LPIN1: variants seen among roughly 807,000 people sequenced by gnomAD.
LPIN1 encodes the protein lipin 1, also known as phosphatidate phosphatase LPIN1.
A neutral mutation model predicts 107.5 loss-of-function variants in LPIN1; 71 were observed. That is an observed-to-expected ratio of 0.66 (90% CI 0.55 to 0.80). LPIN1 has a LOEUF of 0.80. Among genes scored for constraint, LPIN1 ranks in the 30% least tolerant of loss-of-function variants. The probability of loss-of-function intolerance (pLI) is 0.00; values close to 1 mark genes in which losing one functional copy is unlikely to be tolerated. For missense variants in LPIN1, 1,043 were observed against 1,160.6 expected (o/e 0.90, Z 1.47); for synonymous variants, 445 against 452.6 (o/e 0.98, Z 0.21).
Position 11,779,645 on chromosome 2 carries a change from G to A in LPIN1, c.957G>A (p.Lys319=). 1 of 1,613,938 alleles carries A rather than the reference G, an allele frequency of 6.2e-7. No individual in the cohort carries two copies. Among genetic ancestry groups the A allele is most frequent in the Non-Finnish European group, 8.5e-7 (1 of 1,179,926 alleles). ...GGGGAGAGCTGCCGCAGGCTGCTAA[G>A]GTGAGAGTCTCTTCAATTCTGCCAC... ...WLWGELPQAA[K]SSSPHKMKES... Residue 319 remains lysine (K), a splice_region_variant and synonymous_variant, in exon 7 of 21, where the codon AAG becomes AAA. Coordinates refer to ENST00000674199, the MANE Select transcript of LPIN1 (RefSeq NM_001349206.2).
chr2:11,679,710 T>A (rs1661608065), intron 1 of LPIN1, among the ~76,000 whole-genome samples: 2 of 152,138 alleles, frequency 1.3e-5, no homozygotes, highest in African/African-American at 2.4e-5. Flanking sequence ...TGGTCTAGAT[T>A]CCCCCAACCC....
chr2:11,698,267 G>C (rs1662688619), intron 1 of LPIN1, among the ~76,000 whole-genome samples: 1 of 152,242 alleles, frequency 6.6e-6, no homozygotes, highest in Admixed American at 6.5e-5. Flanking sequence ...TTTGCTGCAG[G>C]TTGCAGCTGT....
At chr2:11,685,381 T>G (rs1661953243) in intron 1 of LPIN1, among the ~76,000 whole-genome samples, 1 of 152,200 alleles carries the variant, frequency 6.6e-6, no homozygotes, top group Admixed American at 6.5e-5. Flanking sequence ...GGGACCCACC[T>G]CCTGGGCTTT....
At chr2:11,693,732 C>T (rs570871759) in intron 1 of LPIN1, among the ~76,000 whole-genome samples, 3 of 141,618 alleles carry the variant, frequency 2.1e-5, no homozygotes, top group African/African-American at 8.0e-5. Context: ...GTCTGACTCC[C>T]ACATTAGATT....
intron 13 of LPIN1, among the ~76,000 whole-genome samples, chr2:11,793,418 C>T (rs931455412): frequency 2.0e-5 from 3 of 152,338 alleles, no homozygotes; most frequent in Admixed American, 2.0e-4. Context: ...TTGGTCTCTT[C>T]AGGGGACTGC....
chr2:11,721,947 C>G (rs1010573967), upstream of LPIN1: 1 of 152,282 alleles, frequency 6.6e-6, no homozygotes, highest in African/African-American at 2.4e-5. Context: ...AACCATCATT[C>G]ATCTGTGGTT....
chr2:11,692,255 T>A (rs1662308414), intron 1 of LPIN1, among the ~76,000 whole-genome samples: 1 of 152,266 alleles, frequency 6.6e-6, no homozygotes, highest in Non-Finnish European at 1.5e-5. Context: ...AAAATGCCAC[T>A]AGAAAGTTTG....
intron 14 of LPIN1, among the ~76,000 whole-genome samples, chr2:11,802,106 A>G (rs1398198201): frequency 6.6e-6 from 1 of 152,094 alleles, no homozygotes; most frequent in East Asian, 1.9e-4. Context: ...TTACTAAGTG[A>G]TTCATATAGC....
intron 2 of LPIN1, among the ~76,000 whole-genome samples, chr2:11,766,969 T>G (rs1394726168): frequency 1.4e-4 from 21 of 150,578 alleles, no homozygotes; most frequent in Admixed American, 1.4e-3. Context: ...AAGGTTTCTC[T>G]GGCATCTCCT....
Position 11,773,612 on chromosome 2 carries a change from TCC to T in LPIN1, c.597-7_597-6del. 1.2e-6 allele frequency: 2 copies of T among 1,604,638 alleles called. No individual in the cohort carries two copies. The highest frequency in any genetic ancestry group is 1.7e-6 in the Non-Finnish European group (2 of 1,172,408). ...TCTTTGACTTTAATCTTTTTTTTTT[TCC>T]TCCAGAACTCTTCCTAATGATATAC... is the stretch of plus-strand genomic sequence containing the variant. On this transcript the variant is annotated splice_polypyrimidine_tract_variant and splice_region_variant and intron_variant, in intron 4 of 20. Coordinates refer to ENST00000674199, the MANE Select transcript of LPIN1 (RefSeq NM_001349206.2).
chr2:11,700,551 G>A (rs947376212), intron 1 of LPIN1, among the ~76,000 whole-genome samples: 1 of 151,890 alleles, frequency 6.6e-6, no homozygotes, highest in Non-Finnish European at 1.5e-5. Flanking sequence ...GGGCTTTAGT[G>A]CCAGCCCCAG....
intron 20 of LPIN1, among the ~76,000 whole-genome samples, chr2:11,821,910 G>C (rs1322662059): frequency 6.6e-6 from 1 of 152,164 alleles, no homozygotes; most frequent in Non-Finnish European, 1.5e-5. Flanking sequence ...GCTGCTTCCT[G>C]ATTGGCAGAA....
chr2:11,764,627 G>C (rs148763316), intron 1 of LPIN1, among the ~76,000 whole-genome samples: 9 of 152,248 alleles, frequency 5.9e-5, no homozygotes, highest in Non-Finnish European at 1.2e-4. Flanking sequence ...GTTCCCTGGA[G>C]CAGTGGAGAG....
intron 17 of LPIN1, among the ~76,000 whole-genome samples, chr2:11,813,142 A>G (rs1356751428): frequency 1.3e-5 from 2 of 152,042 alleles, no homozygotes; most frequent in African/African-American, 4.8e-5. Context: ...TGCGATGAGT[A>G]CTGTGGGGTC....
chr2:11,681,085 G>C (rs957272245), intron 1 of LPIN1, among the ~76,000 whole-genome samples: 4 of 152,202 alleles, frequency 2.6e-5, no homozygotes, highest in Non-Finnish European at 5.9e-5. Context: ...ATGGTGCCAA[G>C]ACACTGAATC....
chr2:11,693,677 T>A (rs892883324), intron 1 of LPIN1, among the ~76,000 whole-genome samples: 1 of 150,906 alleles, frequency 6.6e-6, no homozygotes, highest in Non-Finnish European at 1.5e-5. Flanking sequence ...GGGGTGGCAA[T>A]GATATTTGCT....
intron 1 of LPIN1, among the ~76,000 whole-genome samples, chr2:11,687,263 G>T (rs1390256586): frequency 6.6e-6 from 1 of 152,042 alleles, no homozygotes; most frequent in Non-Finnish European, 1.5e-5. Context: ...TGAGCCACTG[G>T]GCCTGGTCCT....
intron 1 of LPIN1, among the ~76,000 whole-genome samples, chr2:11,728,078 ATG>A (rs1366951091): frequency 2.0e-5 from 3 of 152,156 alleles, no homozygotes; most frequent in Non-Finnish European, 2.9e-5. Context: ...TATGAGATTC[ATG>A]TGTGATACCG....
rs1558903736 is a variant in LPIN1 at position 11,784,892 on chromosome 2, TC to T, written c.1367del (p.Pro456LeufsTer39). 1.9e-6 allele frequency: 3 copies of T among 1,613,784 alleles called. No homozygotes were observed. Among genetic ancestry groups the T allele is most frequent in the Non-Finnish European group, 2.5e-6 (3 of 1,179,942 alleles). On this transcript the variant is annotated frameshift_variant, in exon 10 of 21. Coordinates refer to ENST00000674199, the MANE Select transcript of LPIN1 (RefSeq NM_001349206.2). LOFTEE classifies it high-confidence loss of function. ...AALYFPKNGD[P>X]SGLAKHASDN... ...CCGCTTTTCCTCCTTCCAGCGGAGA[TC>T]CTTCCGGACTCGCAAAACATGCAAG...
Sources: gnomAD v4.1 joint callset for allele counts (sites outside exome capture counted in the v4.1 genomes callset) on GRCh38, gnomAD v4.1.1 for gene constraint, MANE v1.5 for transcripts, NCBI Gene and HGNC (gene_info 2026-07-23, HGNC 2026-07-21) for gene names.